ATRNL1: variants seen among roughly 807,000 people sequenced by gnomAD.
The protein encoded by ATRNL1 is attractin-like protein 1.
ATRNL1 carries 95 observed loss-of-function variants against 182.7 expected under a neutral mutation model. The observed-to-expected ratio is 0.52, with a 90% CI of 0.44 to 0.62. The LOEUF is 0.62. Ranked by LOEUF, ATRNL1 falls within the 20% of genes least tolerant of loss-of-function variation. ATRNL1 has a pLI of 0.00. For missense variants in ATRNL1, 1,471 were observed against 1,679.5 expected (o/e 0.88, Z 2.17); for synonymous variants, 576 against 568.3 (o/e 1.01, Z -0.19).
intron 28 of ATRNL1, among the ~76,000 whole-genome samples, chr10:115,913,892 T>G (rs1469607211): frequency 6.6e-6 from 1 of 152,142 alleles, no homozygotes; most frequent in Non-Finnish European, 1.5e-5. Context: ...GGTTAGCATT[T>G]GTAACACTTC....
At position 115,781,851 on chromosome 10, in the gene ATRNL1, A is replaced by G. The variant is rs577272592; in HGVS notation, c.3903+54496A>G. On this transcript the variant is annotated intron_variant, in intron 27 of 28. Transcript: ENST00000355044. ...ATAACAACCCATCCATTTAAAGAAA[A>G]GTAATCTTTCTCCACGGGCTGAAAT... Among the ~76,000 whole-genome samples, 9 of 152,328 alleles carry G rather than the reference A, an allele frequency of 5.9e-5. No individual in the cohort carries two copies. The East Asian group carries it at 1.7e-3, about 29-fold the overall frequency.
chr10:115,226,167 C>G (rs1554898634), intron 9 of ATRNL1, among the ~76,000 whole-genome samples: 2 of 151,830 alleles, frequency 1.3e-5, no homozygotes, highest in African/African-American at 4.8e-5. Flanking sequence ...ACAGAGCAGT[C>G]TTTCTTAATA....
chr10:115,427,003 G>T (rs1052553549), intron 21 of ATRNL1, among the ~76,000 whole-genome samples: 18 of 152,242 alleles, frequency 1.2e-4, no homozygotes, highest in Non-Finnish European at 1.3e-4. Flanking sequence ...GATTACAGGC[G>T]TGAGCCACTG....
At chr10:115,514,221 G>T (rs1011871797) in intron 24 of ATRNL1, among the ~76,000 whole-genome samples, 1 of 151,762 alleles carries the variant, frequency 6.6e-6, no homozygotes, top group Admixed American at 6.6e-5. Flanking sequence ...ATTTTGGGAG[G>T]TCCAAGTGTC....
At chr10:115,100,232 G>A (rs1369888561) in intron 1 of ATRNL1, among the ~76,000 whole-genome samples, 2 of 152,088 alleles carry the variant, frequency 1.3e-5, no homozygotes, top group African/African-American at 4.8e-5. Context: ...ATTGGAGGCT[G>A]CAGTGAGCTG....
intron 20 of ATRNL1, among the ~76,000 whole-genome samples, chr10:115,418,368 T>C (rs1845497655): frequency 6.6e-6 from 1 of 151,952 alleles, no homozygotes; most frequent in African/African-American, 2.4e-5. Flanking sequence ...AAAGAATTAG[T>C]GAGTTCAAAG....
At chr10:115,370,773 C>T (rs898801623) in intron 19 of ATRNL1, among the ~76,000 whole-genome samples, 3 of 152,172 alleles carry the variant, frequency 2.0e-5, no homozygotes, top group Non-Finnish European at 2.9e-5. Flanking sequence ...AAATTCAAGC[C>T]AGCTGCAGAA....
intron 24 of ATRNL1, among the ~76,000 whole-genome samples, chr10:115,495,734 A>G (rs1238393306): frequency 6.6e-6 from 1 of 150,836 alleles, no homozygotes; most frequent in Non-Finnish European, 1.5e-5. Flanking sequence ...GAATTGTTTT[A>G]TGGCCAGTTG....
At chr10:115,304,879 G>A (rs947383179) in intron 17 of ATRNL1, among the ~76,000 whole-genome samples, 1 of 152,132 alleles carries the variant, frequency 6.6e-6, no homozygotes, top group African/African-American at 2.4e-5. Flanking sequence ...ACTAAAGGTT[G>A]CCGGCTTGGC....
chr10:115,371,627 C>T (rs547474909), intron 19 of ATRNL1, among the ~76,000 whole-genome samples: 2 of 152,268 alleles, frequency 1.3e-5, no homozygotes, highest in East Asian at 3.9e-4. Flanking sequence ...TGCCTGTACC[C>T]CCATTGTATC....
At chr10:115,363,191 T>C (rs1354920527) in intron 19 of ATRNL1, among the ~76,000 whole-genome samples, 2 of 151,210 alleles carry the variant, frequency 1.3e-5, no homozygotes, top group Admixed American at 1.3e-4. Context: ...TGTTGTTTCC[T>C]GACTTTTTAA....
intron 12 of ATRNL1, among the ~76,000 whole-genome samples, chr10:115,267,468 T>G (rs1012713130): frequency 4.0e-5 from 6 of 151,874 alleles, no homozygotes; most frequent in Non-Finnish European, 7.4e-5. Flanking sequence ...TATAAAATGG[T>G]GAATAAATAA....
intron 24 of ATRNL1, among the ~76,000 whole-genome samples, chr10:115,510,845 ATT>A (rs1163547614): frequency 1.3e-5 from 2 of 152,014 alleles, no homozygotes; most frequent in Non-Finnish European, 2.9e-5. Context: ...CACTGAGGAA[ATT>A]TAAGCAAGGG....
intron 17 of ATRNL1, among the ~76,000 whole-genome samples, chr10:115,308,560 A>G (rs1459460677): frequency 1.3e-5 from 2 of 152,112 alleles, no homozygotes; most frequent in Non-Finnish European, 2.9e-5. Context: ...TGATTTTTTA[A>G]TATTCTTACC....
intron 26 of ATRNL1, among the ~76,000 whole-genome samples, chr10:115,638,162 T>A (rs1211970727): frequency 1.3e-5 from 2 of 152,132 alleles, no homozygotes; most frequent in Non-Finnish European, 2.9e-5. Context: ...ATTTTAAATC[T>A]TTTATCCTGT....
intron 8 of ATRNL1, among the ~76,000 whole-genome samples, chr10:115,189,595 A>G (rs781960719): frequency 1.3e-5 from 2 of 152,128 alleles, no homozygotes; most frequent in Admixed American, 6.6e-5. Flanking sequence ...AAAAGCTTAT[A>G]TAATAAGGAT....
In ATRNL1 at chr10:115,549,515, T is replaced by G; in HGVS notation, c.3774T>G (p.Cys1258Trp). Residue 1258 changes from cysteine (C) to tryptophan (W), a missense_variant, in exon 26 of 29, where the codon TGT (cysteine) becomes TGG (tryptophan). Physicochemically the swap from Cys to Trp is radical, Grantham distance 215 (BLOSUM62 -2). This residue lies in a region of ATRNL1 where 437 missense variants were observed against 506.0 expected (regional missense o/e 0.86). Transcript: ENST00000355044. ...AAVVWKIKQT[C>W]WASRRREQLL... ...TGGTATGGAAGATCAAACAAACTTG[T>G]TGGGCTTCTCGACGGAGAGAGGTAT... 2 of 1,599,326 alleles carry G rather than the reference T, an allele frequency of 1.3e-6. No homozygotes were observed. Among genetic ancestry groups the G allele is most frequent in the Non-Finnish European group, 1.7e-6 (2 of 1,172,054 alleles).
At position 115,467,272 on chromosome 10, in the gene ATRNL1, A is replaced by T; in HGVS notation, c.3496+20A>T. On this transcript the variant is annotated intron_variant, in intron 23 of 28. Coordinates refer to ENST00000355044, the MANE Select transcript of ATRNL1 (RefSeq NM_207303.4). ...CAACAGGTAAAAAAATGTTGATGTC[A>T]TATCTCTTTTACATGTGTTCCTATC... The T allele has an allele frequency of 1.3e-6, 2 of 1,555,412 alleles. No homozygotes were observed. The highest frequency in any genetic ancestry group is 1.8e-6 in the Non-Finnish European group (2 of 1,133,678).
chr10:115,243,901 A>G (rs1449272346), intron 10 of ATRNL1, among the ~76,000 whole-genome samples: 4 of 152,134 alleles, frequency 2.6e-5, no homozygotes, highest in Non-Finnish European at 5.9e-5. Flanking sequence ...ATTTGTAGGT[A>G]GTTCTCAAAA....
Sources: allele counts gnomAD v4.1 joint callset (sites outside exome capture counted in the v4.1 genomes callset), GRCh38; gene constraint gnomAD v4.1.1; regional missense constraint gnomAD v4.1.1; transcripts MANE v1.5; gene names NCBI Gene and HGNC (gene_info 2026-07-23, HGNC 2026-07-21).